The following PIEZO2 variants were observed in gnomAD, a reference collection of about 807,000 sequenced individuals.
PIEZO2 encodes the protein piezo type mechanosensitive ion channel component 2, also known as piezo-type mechanosensitive ion channel component 2.
A neutral mutation model predicts 337.3 loss-of-function variants in PIEZO2; 172 were observed. That is an observed-to-expected ratio of 0.51 (90% CI 0.45 to 0.58). The LOEUF is 0.58. Among genes scored for constraint, PIEZO2 ranks in the 20% least tolerant of loss-of-function variants. The pLI is 0.00. For missense variants in PIEZO2, 3,028 were observed against 3,391.3 expected (o/e 0.89, Z 2.66); for synonymous variants, 1,251 against 1,228.5 (o/e 1.02, Z -0.38).
chr18:11,025,154 A>T (rs1003297705), intron 2 of PIEZO2, among the ~76,000 whole-genome samples: 3 of 152,116 alleles, frequency 2.0e-5, no homozygotes, highest in African/African-American at 7.2e-5. Flanking sequence ...CTTCAGAGTG[A>T]TGAGCCTCAA....
intron 3 of PIEZO2, among the ~76,000 whole-genome samples, chr18:10,944,521 T>TATATATATATATCTTAGTAACAG (rs2032914085): frequency 3.0e-5 from 1 of 33,428 alleles, no homozygotes; most frequent in African/African-American, 1.9e-4. Context: ...GTAACAGATA[T>TATATATATATATCTTAGTAACAG]ATATATATAT....
rs1383488138 is a variant in PIEZO2, at chr18:10,942,492, C to T, written c.287-31264G>A. 6.6e-6 allele frequency among the ~76,000 whole-genome samples: 1 copy of T among 152,122 alleles called. No homozygotes were observed. Among genetic ancestry groups the T allele is most frequent in the African/African-American group, 2.4e-5 (1 of 41,418 alleles). On this transcript the variant is annotated intron_variant, in intron 3 of 55. Coordinates refer to ENST00000674853, the MANE Select transcript of PIEZO2 (RefSeq NM_001378183.1). This position sits in a 1 kb window ranked among gnomAD's most constrained non-coding sequence, Gnocchi z 4.4. ...CGACTGGCAGCATTCTGCCCCTGCC[C>T]TAGAGATTTGTGGAACTTTGAACTT...
Position 10,763,197 on chromosome 18 carries a change from A to C in PIEZO2, c.2947-99T>G, listed in dbSNP as rs2038214498. On this transcript the variant is annotated intron_variant, in intron 21 of 55. Coordinates refer to ENST00000674853, the MANE Select transcript of PIEZO2 (RefSeq NM_001378183.1). ...GATGACTTGATTTACTCAGTTCGGC[A>C]AAAGCAGACTGGATTCCTAGCATGC... 2.3e-6 allele frequency: 3 copies of C among 1,296,348 alleles called. No homozygotes were observed. The East Asian group carries it at 7.6e-5, about 33-fold the overall frequency. 80.3% of individuals were successfully genotyped at this position (1,296,348 alleles called of 1,614,324 possible).
At chr18:10,918,457 A>T (rs2031167641) in intron 3 of PIEZO2, among the ~76,000 whole-genome samples, 1 of 151,984 alleles carries the variant, frequency 6.6e-6, no homozygotes, top group Non-Finnish European at 1.5e-5. Context: ...TATCCCATGT[A>T]TCCTTTATCA....
At chr18:11,090,827 G>A (rs1054738240) in intron 1 of PIEZO2, among the ~76,000 whole-genome samples, 1 of 135,312 alleles carries the variant, frequency 7.4e-6, no homozygotes, top group Non-Finnish European at 1.6e-5. Flanking sequence ...GCAGGAGAAT[G>A]GTGTGAACCC....
At position 10,821,796 on chromosome 18, in the gene PIEZO2, C is replaced by A. The variant is rs1230259066; in HGVS notation, c.918-14522G>T. ...ACATCCTCTTTCAACTTCTTCCACA[C>A]TTTTGTCTTTCTTGAATTCTTAGCA... On this transcript the variant is annotated intron_variant, in intron 7 of 55. Transcript: ENST00000674853. The surrounding 1 kb of genome is among the most constrained non-coding windows in gnomAD (Gnocchi z 4.2). 6.6e-6 allele frequency among the ~76,000 whole-genome samples: 1 copy of A among 152,198 alleles called. No homozygotes were observed. Among genetic ancestry groups the A allele is most frequent in the East Asian group, 1.9e-4 (1 of 5,194 alleles).
rs1308150067 is a variant in PIEZO2 at position 10,942,208 on chromosome 18, G to A, written c.287-30980C>T. ...TAAATTGGTACCAGTAGGGTGGGGC[G>A]CTGCTGAAAAGATATCCCAAAATGT... is the stretch of plus-strand genomic sequence containing the variant. On this transcript the variant is annotated intron_variant, in intron 3 of 55. Transcript: ENST00000674853. The surrounding 1 kb of genome is among the most constrained non-coding windows in gnomAD (Gnocchi z 4.4). Among the ~76,000 whole-genome samples the A allele has an allele frequency of 2.0e-5, 3 of 152,118 alleles. No homozygotes were observed. Among genetic ancestry groups the A allele is most frequent in the Non-Finnish European group, 4.4e-5 (3 of 68,034 alleles).
intron 3 of PIEZO2, among the ~76,000 whole-genome samples, chr18:10,941,817 G>A (rs1247077365): frequency 6.6e-6 from 1 of 152,238 alleles, no homozygotes. Flanking sequence ...CAAAATGACT[G>A]ATACCGTTTG....
At chr18:10,720,342 T>G (rs958828905) in intron 36 of PIEZO2, among the ~76,000 whole-genome samples, 2 of 135,136 alleles carry the variant, frequency 1.5e-5, no homozygotes, top group African/African-American at 2.7e-5. Context: ...ATATATCTCA[T>G]ATATATGTCC....
At chr18:11,006,810 A>C (rs2035741393) in intron 2 of PIEZO2, among the ~76,000 whole-genome samples, 1 of 152,112 alleles carries the variant, frequency 6.6e-6, no homozygotes, top group African/African-American at 2.4e-5. Context: ...GTTCTTAGTA[A>C]AAAAATTATT....
intron 51 of PIEZO2, among the ~76,000 whole-genome samples, 195 bp from the exon 52 acceptor site, chr18:10,680,566 G>C (rs1003843202): frequency 1.3e-5 from 2 of 152,164 alleles, no homozygotes; most frequent in African/African-American, 4.8e-5. Flanking sequence ...GCAGTTTCCA[G>C]TTACATTATC....
In PIEZO2 at chr18:11,018,222, T is replaced by G. The variant is rs575679970; in HGVS notation, c.161-38562A>C. On this transcript the variant is annotated intron_variant, in intron 2 of 55. Coordinates refer to ENST00000674853, the MANE Select transcript of PIEZO2 (RefSeq NM_001378183.1). ...GTGGTGGTGGTGGTGGTGGTGGTGG[T>G]GTGTGTGTGTGTGTGTGTGTGTTCT... Among the ~76,000 whole-genome samples the G allele has an allele frequency of 4.4e-4, 30 of 67,422 alleles. No homozygotes were observed. The East Asian group carries it at 5.9e-3, about 13-fold the overall frequency. 44.2% of individuals were successfully genotyped at this position (67,422 alleles called of 152,430 possible).
chr18:10,900,635 G>A (rs1378824139), intron 4 of PIEZO2, among the ~76,000 whole-genome samples: 2 of 152,140 alleles, frequency 1.3e-5, no homozygotes, highest in African/African-American at 2.4e-5. Flanking sequence ...CCCTATCAGT[G>A]CCTAAGGTGA....
At chr18:10,804,278 T>G (rs1403683912) in intron 8 of PIEZO2, among the ~76,000 whole-genome samples, 1 of 152,260 alleles carries the variant, frequency 6.6e-6, no homozygotes, top group South Asian at 2.1e-4. Context: ...CATTCTCAAC[T>G]GCACTCAAAA....
chr18:10,801,000 A>G (rs1191467646), intron 10 of PIEZO2, among the ~76,000 whole-genome samples: 3 of 152,194 alleles, frequency 2.0e-5, no homozygotes, highest in Non-Finnish European at 2.9e-5. Context: ...GCAGGTTGCT[A>G]TGTCCTTACT....
chr18:10,998,923 A>T (rs1568280747), intron 2 of PIEZO2, among the ~76,000 whole-genome samples: 1 of 151,770 alleles, frequency 6.6e-6, no homozygotes, highest in Admixed American at 6.6e-5. Flanking sequence ...ACTGGGATTT[A>T]AACAAACATT....
rs956762301 is a variant in PIEZO2, at chr18:10,834,959, G to T, written c.917+20394C>A. ...ACTCCCCATGTGAAGGTATTAAGAA[G>T]TCGGGCCTTTGAGGGGCGATTAGGT... On this transcript the variant is annotated intron_variant, in intron 7 of 55. Coordinates refer to ENST00000674853, the MANE Select transcript of PIEZO2 (RefSeq NM_001378183.1). This position sits in a 1 kb window ranked among gnomAD's most constrained non-coding sequence, Gnocchi z 4.5. Among the ~76,000 whole-genome samples, 1 of 152,186 alleles carries T rather than the reference G, an allele frequency of 6.6e-6. No homozygotes were observed. Among genetic ancestry groups the T allele is most frequent in the Non-Finnish European group, 1.5e-5 (1 of 68,034 alleles).
At chr18:11,058,521 C>T (rs1266382674) in intron 2 of PIEZO2, among the ~76,000 whole-genome samples, 2 of 151,938 alleles carry the variant, frequency 1.3e-5, no homozygotes, top group African/African-American at 4.8e-5. Context: ...AAGTTAAAAA[C>T]CTTGAAAAAA....
chr18:11,025,761 T>C (rs1026112937), intron 2 of PIEZO2, among the ~76,000 whole-genome samples: 3 of 152,188 alleles, frequency 2.0e-5, no homozygotes, highest in Non-Finnish European at 2.9e-5. Context: ...GTGACAATTG[T>C]TCAGAAAATG....
Sources: gnomAD v4.1 joint callset for allele counts (sites outside exome capture counted in the v4.1 genomes callset) on GRCh38, gnomAD v4.1.1 for gene constraint, Gnocchi (gnomAD v3.1) non-coding constraint, MANE v1.5 for transcripts, NCBI Gene and HGNC (gene_info 2026-07-23, HGNC 2026-07-21) for gene names.